NKAIN2: variants seen among roughly 807,000 people sequenced by gnomAD.
NKAIN2 encodes the protein sodium/potassium-transporting ATPase subunit beta-1-interacting protein 2.
In NKAIN2, 14 loss-of-function variants were observed where a neutral mutation model predicts 32.6. The ratio of observed to expected loss-of-function variants is 0.43; its 90% CI spans 0.28 to 0.67. NKAIN2 has a LOEUF of 0.67. Among genes scored for constraint, NKAIN2 ranks in the 30% least tolerant of loss-of-function variants. The pLI is 0.17. For synonymous variants in NKAIN2, 80 were observed against 87.2 expected (o/e 0.92, Z 0.46); for missense variants, 198 against 258.3 (o/e 0.77, Z 1.60).
At chr6:124,184,920 GAATT>G (rs1789637492) in intron 1 of NKAIN2, among the ~76,000 whole-genome samples, 1 of 151,736 alleles carries the variant, frequency 6.6e-6, no homozygotes, top group South Asian at 2.1e-4. Context: ...GTAGAAAATT[GAATT>G]AATTATTACA....
intron 3 of NKAIN2, among the ~76,000 whole-genome samples, chr6:124,624,265 G>A (rs891413607): frequency 2.0e-5 from 3 of 152,150 alleles, no homozygotes; most frequent in African/African-American, 7.2e-5. Flanking sequence ...CTTGAATAAT[G>A]ATCTCTGTGA....
chr6:124,588,238 G>A (rs533161522), intron 3 of NKAIN2, among the ~76,000 whole-genome samples: 14 of 152,180 alleles, frequency 9.2e-5, no homozygotes, highest in East Asian at 5.8e-4. Context: ...TTGATATGAC[G>A]ATGTGTACAC....
At chr6:124,774,055 T>A (rs191571831) in intron 4 of NKAIN2, among the ~76,000 whole-genome samples, 270 of 152,210 alleles carry the variant, frequency 1.8e-3, no homozygotes, top group Non-Finnish European at 2.2e-4. Flanking sequence ...TGAGAGTAGA[T>A]TGGAGAGTCA....
intron 1 of NKAIN2, among the ~76,000 whole-genome samples, chr6:124,276,058 G>T (rs1795016008): frequency 6.6e-6 from 1 of 152,044 alleles, no homozygotes; most frequent in African/African-American, 2.4e-5. Context: ...GAACCACCAT[G>T]ATATGCTGAC....
Position 124,476,063 on chromosome 6 carries a change from AGAGTGTGT to A in NKAIN2, c.273+120718_273+120725del, listed in dbSNP as rs1368648914. The stretch of plus-strand genomic sequence containing the variant: ...GTGTGTGTGTGAGAGAGAGAGAGAG[AGAGTGTGT>A]GTGTGTGTGTGTGTGTGTGTGTGTG... On this transcript the variant is annotated intron_variant, in intron 3 of 6. Transcript: ENST00000368417. 4.6e-3 allele frequency among the ~76,000 whole-genome samples: 525 copies of A among 115,070 alleles called. 1 individual carries two copies. The highest frequency in any genetic ancestry group is 0.012 in the East Asian group (51 of 4,190). The allele number at this position is 115,070 out of a possible 152,430, so 75.5% of individuals were successfully genotyped here.
intron 3 of NKAIN2, among the ~76,000 whole-genome samples, chr6:124,430,293 C>T (rs1775160072): frequency 6.6e-6 from 1 of 152,220 alleles, no homozygotes; most frequent in South Asian, 2.1e-4. Context: ...ATCATTCTCA[C>T]TTTGTGCATA....
chr6:124,658,271 T>C lies in NKAIN2; in HGVS notation c.359T>C (p.Val120Ala), dbSNP rs778954302. The C allele has an allele frequency of 6.2e-7, 1 of 1,613,980 alleles. No individual in the cohort carries two copies. Among genetic ancestry groups the C allele is most frequent in the Non-Finnish European group, 8.5e-7 (1 of 1,179,976 alleles). The change falls in exon 4 of 7, where the codon GTG becomes GCG. Residue 120 changes from valine to alanine, a missense_variant. Physicochemically the swap from Val to Ala is moderately conservative, Grantham distance 64. Transcript: ENST00000368417. Reference sequence around the variant, plus strand: ...GGACCAGGATGTACGGTGACGTCAGTGACACCTGCCCCAGACTGGGCCCCA... The same window carrying C: ...GGACCAGGATGTACGGTGACGTCAGCGACACCTGCCCCAGACTGGGCCCCA... Reference protein sequence around the residue: ...ENGPGCTVTSVTPAPDWAPED... With the variant: ...ENGPGCTVTSATPAPDWAPED...
chr6:123,883,281 A>T (rs1323191881), intron 1 of NKAIN2, among the ~76,000 whole-genome samples: 1 of 151,930 alleles, frequency 6.6e-6, no homozygotes, highest in African/African-American at 2.4e-5. Flanking sequence ...AGTAGCTGGG[A>T]CTATAGGCAC....
intron 1 of NKAIN2, among the ~76,000 whole-genome samples, chr6:123,935,972 C>T (rs1776489193): frequency 6.6e-6 from 1 of 152,054 alleles, no homozygotes; most frequent in Non-Finnish European, 1.5e-5. Context: ...AGAAATGCAT[C>T]CTTGCTGTGG....
intron 3 of NKAIN2, among the ~76,000 whole-genome samples, chr6:124,569,690 C>T (rs1781054215): frequency 6.6e-6 from 1 of 152,158 alleles, no homozygotes; most frequent in Admixed American, 6.5e-5. Context: ...GAGACCTCCC[C>T]AGCCATGTAG....
At chr6:124,654,764 G>A (rs1204526806) in intron 3 of NKAIN2, among the ~76,000 whole-genome samples, 8 of 152,122 alleles carry the variant, frequency 5.3e-5, no homozygotes, top group Non-Finnish European at 1.0e-4. Context: ...TGGAATGAAG[G>A]CAGAGATTAG....
At chr6:124,138,014 G>A (rs943300110) in intron 1 of NKAIN2, among the ~76,000 whole-genome samples, 2 of 152,108 alleles carry the variant, frequency 1.3e-5, no homozygotes, top group East Asian at 1.9e-4. Context: ...ATAAATAAAT[G>A]GAACCTACTT....
intron 3 of NKAIN2, among the ~76,000 whole-genome samples, chr6:124,395,173 A>G (rs966422108): frequency 1.2e-4 from 18 of 152,168 alleles, no homozygotes; most frequent in South Asian, 4.1e-4. Flanking sequence ...TTAATACTTC[A>G]AATTTGAAGG....
At chr6:124,596,663 G>GGTGTGTGTGT (rs9321001) in intron 3 of NKAIN2, among the ~76,000 whole-genome samples, 102 of 142,600 alleles carry the variant, frequency 7.2e-4, no homozygotes, top group Middle Eastern at 3.5e-3. Context: ...TAAACCATAG[G>GGTGTGTGTGT]GTGTGTGTGT....
chr6:124,543,978 A>G (rs1044944197), intron 3 of NKAIN2, among the ~76,000 whole-genome samples: 3 of 152,204 alleles, frequency 2.0e-5, no homozygotes, highest in African/African-American at 7.2e-5. Flanking sequence ...TCAGGACAAA[A>G]CTTGTTCATC....
intron 4 of NKAIN2, among the ~76,000 whole-genome samples, chr6:124,786,348 T>C (rs1335944562): frequency 6.6e-6 from 1 of 152,120 alleles, no homozygotes; most frequent in African/African-American, 2.4e-5. Context: ...TAGGGAAAGG[T>C]ATCCTTCCCA....
chr6:124,082,198 A>G lies in NKAIN2; in HGVS notation c.55-200807A>G, dbSNP rs148532975. Among the ~76,000 whole-genome samples the G allele has an allele frequency of 9.6e-3, 1,456 of 152,240 alleles. 30 individuals carry two copies. Among genetic ancestry groups the G allele is most frequent in the African/African-American group, 0.033 (1,368 of 41,548 alleles). The stretch of plus-strand genomic sequence containing the variant: ...GAGTTTTGGACTATAAATTATTGGC[A>G]AGGACTGCATCTGATGTTAGTAGTC... On this transcript the variant is annotated intron_variant, in intron 1 of 6. Transcript: ENST00000368417.
intron 1 of NKAIN2, among the ~76,000 whole-genome samples, chr6:124,035,107 C>A (rs1404415157): frequency 6.6e-6 from 1 of 151,886 alleles, no homozygotes; most frequent in African/African-American, 2.4e-5. Flanking sequence ...TTTTAGTATA[C>A]AGAAATGCAA....
At chr6:124,372,386 C>T (rs1187034458) in intron 3 of NKAIN2, among the ~76,000 whole-genome samples, 1 of 152,064 alleles carries the variant, frequency 6.6e-6, no homozygotes, top group Non-Finnish European at 1.5e-5. Context: ...AGGGTCTGTT[C>T]CATCTGTGTT....
Sources: gnomAD v4.1 joint callset for allele counts (sites outside exome capture counted in the v4.1 genomes callset) on GRCh38, gnomAD v4.1.1 for gene constraint, MANE v1.5 for transcripts, NCBI Gene and HGNC (gene_info 2026-07-23, HGNC 2026-07-21) for gene names.